Variants in ZXDC observed in about 807,000 individuals in gnomAD.
The protein encoded by ZXDC is ZXD family zinc finger C.
Under a neutral mutation model 63.6 loss-of-function variants are expected in ZXDC, and 58 were observed. The ratio of observed to expected loss-of-function variants is 0.91; its 90% CI spans 0.74 to 1.13. The LOEUF is 1.13. ZXDC is among the 50% of genes most tolerant of loss of function. ZXDC has a pLI of 0.00. For missense variants in ZXDC, 1,133 were observed against 1,148.9 expected (o/e 0.99, Z 0.20); for synonymous variants, 561 against 496.1 (o/e 1.13, Z -1.74).
rs191529053 is a variant in ZXDC, at chr3:126,453,854, C to G, written c.2212+5799G>C. On this transcript the variant is annotated intron_variant, in intron 7 of 9. Coordinates refer to ENST00000389709, the MANE Select transcript of ZXDC (RefSeq NM_025112.5). ...AGCTGGGATTACAGGCATGAGCCAC[C>G]GCGCCCAGCCTCGCTTTTATTTCTT... 2.1e-3 allele frequency: 2,092 copies of G among 985,170 alleles called. 42 individuals carry two copies. In the African/African-American group the frequency reaches 0.035, roughly 16 times the overall value. The allele number at this position is 985,170 out of a possible 1,614,324, so 61.0% of individuals were successfully genotyped here.
At chr3:126,444,473 A>C (rs1933805243) in intron 7 of ZXDC, among the ~76,000 whole-genome samples, 1 of 151,982 alleles carries the variant, frequency 6.6e-6, no homozygotes, top group Admixed American at 6.6e-5. Context: ...CAGAGCTTGC[A>C]GTGAGCCGAG....
At chr3:126,457,537 C>T in intron 7 of ZXDC, 1 of 985,394 alleles carries the variant, frequency 1.0e-6, no homozygotes. Flanking sequence ...TAGCAGGTAC[C>T]AGGTTTCCAT....
intron 1 of ZXDC, among the ~76,000 whole-genome samples, chr3:126,473,372 C>T (rs1935048343): frequency 6.6e-6 from 1 of 152,162 alleles, no homozygotes; most frequent in African/African-American, 2.4e-5. Flanking sequence ...CAGGTCTGGG[C>T]CCTTTGATGA....
chr3:126,469,383 G>A lies in ZXDC; in HGVS notation c.1270+1512C>T, dbSNP rs115442362. Among the ~76,000 whole-genome samples the A allele has an allele frequency of 5.7e-3, 874 of 152,238 alleles. 7 individuals are homozygous for A. Among genetic ancestry groups the A allele is most frequent in the African/African-American group, 0.019 (775 of 41,544 alleles). On this transcript the variant is annotated intron_variant, in intron 4 of 9. Transcript: ENST00000389709. ...CACAAGGGTACCAAAAACACAACAT[G>A]TCCAAACCAAACTCTGCTTCCTCCA...
At chr3:126,447,169 G>C (rs1933914407) in intron 7 of ZXDC, among the ~76,000 whole-genome samples, 1 of 152,204 alleles carries the variant, frequency 6.6e-6, no homozygotes. Context: ...TGAACTTAAA[G>C]TAGACAGGTG....
chr3:126,449,102 C>T (rs1231538951), intron 7 of ZXDC, among the ~76,000 whole-genome samples: 4 of 152,194 alleles, frequency 2.6e-5, no homozygotes, highest in African/African-American at 9.7e-5. Flanking sequence ...TAGAGGTCAG[C>T]AGCTCTGAAA....
chr3:126,464,187 T>C (rs1022581760), intron 5 of ZXDC, among the ~76,000 whole-genome samples: 1 of 152,232 alleles, frequency 6.6e-6, no homozygotes, highest in Non-Finnish European at 1.5e-5. Flanking sequence ...AAACATTTAC[T>C]ACCAGAGACC....
intron 7 of ZXDC, among the ~76,000 whole-genome samples, chr3:126,455,873 G>A (rs1345487189): frequency 6.6e-6 from 1 of 151,934 alleles, no homozygotes; most frequent in Non-Finnish European, 1.5e-5. Context: ...GCACGGCAGC[G>A]CCTGTAGTCC....
At chr3:126,467,368 G>A (rs1026731857) in intron 4 of ZXDC, among the ~76,000 whole-genome samples, 6 of 152,300 alleles carry the variant, frequency 3.9e-5, no homozygotes, top group Non-Finnish European at 5.9e-5. Context: ...TGAAACGGGA[G>A]TGACACCTAC....
At chr3:126,449,451 C>CT (rs1303057041) in intron 7 of ZXDC, among the ~76,000 whole-genome samples, 1 of 152,210 alleles carries the variant, frequency 6.6e-6, no homozygotes, top group Non-Finnish European at 1.5e-5. Flanking sequence ...GGTCCCATCA[C>CT]TTTCCCCATT....
chr3:126,448,839 C>A (rs555580234), intron 7 of ZXDC, among the ~76,000 whole-genome samples: 1 of 152,260 alleles, frequency 6.6e-6, no homozygotes, highest in Non-Finnish European at 1.5e-5. Context: ...TAATCTCCCC[C>A]TAATGTTCCC....
chr3:126,461,151 C>T, intron 6 of ZXDC: 13 of 996,850 alleles, frequency 1.3e-5, no homozygotes, highest in Non-Finnish European at 1.6e-5. Flanking sequence ...TCCATTGAAC[C>T]TCTGAAGGTG....
chr3:126,438,799 G>A (rs1280361368), intron 9 of ZXDC, among the ~76,000 whole-genome samples: 2 of 152,190 alleles, frequency 1.3e-5, no homozygotes, highest in African/African-American at 4.8e-5. Context: ...GGTATTAGGT[G>A]TCCGTCCGCC....
intron 5 of ZXDC, 87 bp from the exon 6 acceptor site, chr3:126,462,307 G>GC: frequency 6.7e-7 from 1 of 1,487,780 alleles, no homozygotes; most frequent in Non-Finnish European, 8.9e-7. Context: ...ACCGAGTGAT[G>GC]CCCCAAGGAA....
intron 7 of ZXDC, among the ~76,000 whole-genome samples, chr3:126,445,837 C>A (rs926846884): frequency 2.0e-5 from 3 of 152,152 alleles, no homozygotes; most frequent in East Asian, 3.9e-4. Flanking sequence ...TGACGGTACA[C>A]CCTGAAGTCT....
chr3:126,452,697 A>G, intron 7 of ZXDC: 2 of 515,176 alleles, frequency 3.9e-6, no homozygotes, highest in Non-Finnish European at 5.0e-6. Context: ...TGTTTTATTT[A>G]GAACATTTCC....
At chr3:126,450,140 G>C (rs1212295683) in intron 7 of ZXDC, 3 of 353,834 alleles carry the variant, frequency 8.5e-6, no homozygotes, top group Admixed American at 7.6e-5. Flanking sequence ...AGTCTGCAAG[G>C]GGTCTGAGAC....
At chr3:126,445,421 G>A (rs1306032978) in intron 7 of ZXDC, among the ~76,000 whole-genome samples, 1 of 151,980 alleles carries the variant, frequency 6.6e-6, no homozygotes, top group Non-Finnish European at 1.5e-5. Flanking sequence ...GGCAAGCCCG[G>A]CTCATTAAAG....
chr3:126,442,064 T>A, intron 7 of ZXDC, 118 bp from the exon 8 acceptor site: 1 of 1,201,170 alleles, frequency 8.3e-7, no homozygotes, highest in Non-Finnish European at 1.1e-6. Context: ...TCTGCACAGC[T>A]AAGAGACGTA....
Sources: allele counts gnomAD v4.1 joint callset (sites outside exome capture counted in the v4.1 genomes callset), GRCh38; gene constraint gnomAD v4.1.1; transcripts MANE v1.5; gene names NCBI Gene and HGNC (gene_info 2026-07-23, HGNC 2026-07-21).